IFT52: variants seen among roughly 807,000 people sequenced by gnomAD.
The protein encoded by IFT52 is intraflagellar transport 52.
In IFT52, 44 loss-of-function variants were observed where a neutral mutation model predicts 54.4. The observed-to-expected ratio is 0.81, with a 90% CI of 0.63 to 1.04. The LOEUF (loss-of-function observed/expected upper bound fraction) is 1.04, where lower values mean the gene tolerates loss of function less well. IFT52 is among the 50% of genes least tolerant of loss of function. The probability of loss-of-function intolerance (pLI) is 0.00; values close to 1 mark genes in which losing one functional copy is unlikely to be tolerated. For missense variants in IFT52, 452 were observed against 523.6 expected, an observed-to-expected ratio of 0.86 and a Z score of 1.33; for synonymous variants, 181 against 185.3, an observed-to-expected ratio of 0.98 and a Z score of 0.19.
chr20:43,591,886 T>A (rs1981552478), intron 1 of IFT52, among the ~76,000 whole-genome samples: 1 of 152,062 alleles, frequency 6.6e-6, no homozygotes, highest in South Asian at 2.1e-4. Context: ...AATAAATAAA[T>A]TAATTTAAAA....
chr20:43,627,066 G>A (rs904616577), intron 10 of IFT52, among the ~76,000 whole-genome samples: 3 of 151,854 alleles, frequency 2.0e-5, no homozygotes, highest in Non-Finnish European at 1.5e-5. Context: ...ACTCGGGAGG[G>A]TAAGGCAGGA....
chr20:43,631,424 C>T (rs1480118017), intron 10 of IFT52, among the ~76,000 whole-genome samples: 3 of 152,178 alleles, frequency 2.0e-5, no homozygotes, highest in Non-Finnish European at 4.4e-5. Flanking sequence ...CTCATTTAAT[C>T]GTCTTTCTGC....
rs1985997045 is a variant in IFT52, at chr20:43,642,630, G to C, written c.1266+6G>C. 2.5e-6 allele frequency: 4 copies of C among 1,613,730 alleles called. No homozygotes were observed. In the South Asian group the frequency reaches 3.3e-5, roughly 13 times the overall value. On this transcript the variant is annotated splice_donor_region_variant and intron_variant, in intron 13 of 13. Coordinates refer to ENST00000373030, the MANE Select transcript of IFT52 (RefSeq NM_016004.5). ...AGTTCAAGAAATTGAACCAGGTACA[G>C]AGCCTACAAGGCACAGTGTAGTGGG...
At chr20:43,609,214 C>G (rs1235107683) in intron 6 of IFT52, among the ~76,000 whole-genome samples, 1 of 152,088 alleles carries the variant, frequency 6.6e-6, no homozygotes, top group Non-Finnish European at 1.5e-5. Flanking sequence ...TGTACTCCAG[C>G]CTGGGTGACA....
intron 6 of IFT52, among the ~76,000 whole-genome samples, chr20:43,609,849 T>C (rs1360330799): frequency 6.7e-6 from 1 of 149,834 alleles, no homozygotes; most frequent in Non-Finnish European, 1.5e-5. Context: ...CTCGGGAGGC[T>C]GAGGCAGGAG....
chr20:43,629,390 A>T (rs989652075), intron 10 of IFT52, among the ~76,000 whole-genome samples: 5 of 151,962 alleles, frequency 3.3e-5, no homozygotes, highest in Non-Finnish European at 4.4e-5. Flanking sequence ...CGTCGGCCTC[A>T]GCCTCCCCAG....
chr20:43,621,872 C>T (rs1984325817), intron 9 of IFT52, among the ~76,000 whole-genome samples: 1 of 152,158 alleles, frequency 6.6e-6, no homozygotes, highest in African/African-American at 2.4e-5. Context: ...GCATTGTATG[C>T]CATATACTTC....
chr20:43,635,831 C>A, intron 10 of IFT52, 95 bp from the exon 11 acceptor site: 1 of 1,071,352 alleles, frequency 9.3e-7, no homozygotes, highest in South Asian at 1.4e-5. Flanking sequence ...AGTACTGAAC[C>A]ACTGTATTTC....
chr20:43,617,189 ATAAC>A (rs975742568), intron 7 of IFT52, among the ~76,000 whole-genome samples: 7 of 152,184 alleles, frequency 4.6e-5, no homozygotes, highest in African/African-American at 1.7e-4. Flanking sequence ...TTTTGTGACT[ATAAC>A]TACACAACTG....
chr20:43,621,611 A>T (rs1459846602), intron 9 of IFT52, among the ~76,000 whole-genome samples: 1 of 152,106 alleles, frequency 6.6e-6, no homozygotes, highest in Non-Finnish European at 1.5e-5. Context: ...TACAGATGTG[A>T]ACCACCATGC....
chr20:43,607,466 C>CA (rs1983027815), intron 6 of IFT52, among the ~76,000 whole-genome samples: 1 of 149,178 alleles, frequency 6.7e-6, no homozygotes, highest in African/African-American at 2.5e-5. Flanking sequence ...GGCGGCTGGG[C>CA]AGAGACACTC....
At chr20:43,625,146 A>G (rs1057291776) in intron 10 of IFT52, among the ~76,000 whole-genome samples, 1 of 152,132 alleles carries the variant, frequency 6.6e-6, no homozygotes, top group Admixed American at 6.6e-5. Flanking sequence ...ATTAAAGAAT[A>G]TGTTAGAAGA....
Position 43,634,121 on chromosome 20 carries a change from G to A in IFT52, c.924-1805G>A, listed in dbSNP as rs375500649. Among the ~76,000 whole-genome samples, 19 of 151,918 alleles carry A rather than the reference G, an allele frequency of 1.3e-4. 1 individual carries two copies. The highest frequency in any genetic ancestry group is 3.9e-4 in the African/African-American group (16 of 41,404). ...GAGTCCAGGAGTTCAGGATTAAAATGAGCTATGATCATACCACTGCACTCC... is the reference window on the plus strand; with the variant it reads ...GAGTCCAGGAGTTCAGGATTAAAATAAGCTATGATCATACCACTGCACTCC... On this transcript the variant is annotated intron_variant, in intron 10 of 13. Coordinates refer to ENST00000373030, the MANE Select transcript of IFT52 (RefSeq NM_016004.5).
intron 6 of IFT52, among the ~76,000 whole-genome samples, chr20:43,606,308 C>T (rs1278617091): frequency 2.1e-5 from 3 of 142,012 alleles, no homozygotes; most frequent in African/African-American, 7.9e-5. Flanking sequence ...GAGTCTCACT[C>T]TGTCACCCAG....
At chr20:43,646,453 T>C (rs542326404) in intron 13 of IFT52, among the ~76,000 whole-genome samples, 2 of 152,174 alleles carry the variant, frequency 1.3e-5, no homozygotes, top group East Asian at 3.9e-4. Context: ...AACAAGATGA[T>C]TGCGGTTCTT....
intron 9 of IFT52, 104 bp downstream of exon 9, chr20:43,621,029 G>A: frequency 1.3e-6 from 1 of 782,668 alleles, no homozygotes; most frequent in Non-Finnish European, 2.2e-6. Flanking sequence ...TAACTCATCT[G>A]TAAGACAGAT....
intron 10 of IFT52, among the ~76,000 whole-genome samples, chr20:43,628,206 G>C (rs1219009850): frequency 1.3e-5 from 2 of 151,982 alleles, no homozygotes; most frequent in Non-Finnish European, 2.9e-5. Context: ...TGAGATTACA[G>C]GCATGAGCCA....
chr20:43,621,265 A>G (rs1459636247), intron 9 of IFT52, among the ~76,000 whole-genome samples: 2 of 152,200 alleles, frequency 1.3e-5, no homozygotes, highest in African/African-American at 4.8e-5. Flanking sequence ...ATAAAGAAAC[A>G]AAGAGTATCA....
intron 5 of IFT52, 91 bp from the exon 6 acceptor site, chr20:43,604,911 C>A: frequency 7.5e-7 from 1 of 1,331,456 alleles, no homozygotes; most frequent in Non-Finnish European, 1.1e-6. Flanking sequence ...GCAATCCTCC[C>A]ACCTTAGCCT....
Sources: allele counts gnomAD v4.1 joint callset (sites outside exome capture counted in the v4.1 genomes callset), GRCh38; gene constraint gnomAD v4.1.1; transcripts MANE v1.5; gene names NCBI Gene and HGNC (gene_info 2026-07-23, HGNC 2026-07-21).